The following ARHGAP28 variants were observed in gnomAD, a reference collection of about 807,000 sequenced individuals.
ARHGAP28 encodes Rho GTPase activating protein 28.
ARHGAP28 carries 56 observed loss-of-function variants against 90.7 expected under a neutral mutation model. That is an observed-to-expected ratio of 0.62 (90% CI 0.50 to 0.77). ARHGAP28 has a LOEUF of 0.77. Ranked by LOEUF, ARHGAP28 falls within the 30% of genes least tolerant of loss-of-function variation. The pLI is 0.00. For synonymous variants in ARHGAP28, 308 were observed against 323.3 expected, an observed-to-expected ratio of 0.95 and a Z score of 0.51; for missense variants, 869 against 900.9, an observed-to-expected ratio of 0.96 and a Z score of 0.45.
chr18:6,876,200 A>G lies in ARHGAP28; in HGVS notation c.1282A>G (p.Lys428Glu). The change falls in exon 10 of 18, where the codon AAA (lysine) becomes GAA (glutamate). Residue 428 changes from lysine (K) to glutamate (E), a missense_variant. Physicochemically the swap from Lys to Glu is moderately conservative, Grantham distance 56. Coordinates refer to ENST00000383472, the MANE Select transcript of ARHGAP28 (RefSeq NM_001366230.1). ...GIFRLSGCTAKVKQYREELDA... is the reference protein window; with the variant it reads ...GIFRLSGCTAEVKQYREELDA... ...TTTTCGACTTTCAGGATGTACTGCT[A>G]AAGTCAAGGTACCGAACATTTTGTC... 1 of 1,613,760 alleles carries G rather than the reference A, an allele frequency of 6.2e-7. No homozygotes were observed. Among genetic ancestry groups the G allele is most frequent in the Non-Finnish European group, 8.5e-7 (1 of 1,179,690 alleles).
intron 16 of ARHGAP28, among the ~76,000 whole-genome samples, chr18:6,908,732 G>A (rs1313199446): frequency 6.6e-6 from 1 of 152,166 alleles, no homozygotes; most frequent in African/African-American, 2.4e-5. Context: ...GGAGCACTGC[G>A]GCTGCCCATC....
chr18:6,730,501 CATT>C (rs138126017), intron 1 of ARHGAP28, among the ~76,000 whole-genome samples: 1,957 of 152,188 alleles, frequency 0.013, 45 homozygotes, highest in African/African-American at 0.038. Flanking sequence ...GCATTGGTGT[CATT>C]ATTTGATTAC....
intron 5 of ARHGAP28, among the ~76,000 whole-genome samples, chr18:6,864,505 G>A (rs1420574322): frequency 6.6e-6 from 1 of 152,006 alleles, no homozygotes; most frequent in Non-Finnish European, 1.5e-5. Context: ...AATTTATTGT[G>A]TGTGTACACA....
intron 1 of ARHGAP28, among the ~76,000 whole-genome samples, chr18:6,819,664 G>A (rs564052932): frequency 6.6e-6 from 1 of 152,136 alleles, no homozygotes; most frequent in African/African-American, 2.4e-5. Context: ...TGGGATTTTT[G>A]CTGGGAGCCC....
intron 1 of ARHGAP28, among the ~76,000 whole-genome samples, chr18:6,754,489 A>T (rs1479165724): frequency 2.6e-5 from 4 of 152,182 alleles, no homozygotes; most frequent in African/African-American, 9.7e-5. Flanking sequence ...AGTAGGATAG[A>T]GTTGGCAGTT....
chr18:6,912,192 C>CA lies in ARHGAP28; in HGVS notation c.*43dup. 8.3e-7 allele frequency: 1 copy of CA among 1,205,846 alleles called. No individual in the cohort carries two copies. The highest frequency in any genetic ancestry group is 2.1e-5 in the Admixed American group (1 of 47,608). The allele number at this position is 1,205,846 out of a possible 1,614,324, so 74.7% of individuals were successfully genotyped here. A position where few individuals can be genotyped will look rare whatever the true frequency, so the allele number is the denominator to read the frequency against. ...AGAGCTGCTATCATGTATTATATGC[C>CA]AAAAAGATCCTACATTTTGGTAGGG... On this transcript the variant is annotated 3_prime_UTR_variant, in exon 18 of 18. Transcript: ENST00000383472.
At chr18:6,759,497 A>C (rs893220995) in intron 1 of ARHGAP28, among the ~76,000 whole-genome samples, 3 of 152,196 alleles carry the variant, frequency 2.0e-5, no homozygotes, top group African/African-American at 7.2e-5. Flanking sequence ...GTTATGCTGC[A>C]TAAAATATGG....
intron 1 of ARHGAP28, among the ~76,000 whole-genome samples, chr18:6,815,105 C>T (rs976302426): frequency 6.6e-6 from 1 of 152,138 alleles, no homozygotes; most frequent in South Asian, 2.1e-4. Flanking sequence ...ATTGACTGAG[C>T]GTTACCAAAA....
At chr18:6,836,691 G>C (rs1183636221) in intron 2 of ARHGAP28, among the ~76,000 whole-genome samples, 1 of 152,116 alleles carries the variant, frequency 6.6e-6, no homozygotes, top group Non-Finnish European at 1.5e-5. Flanking sequence ...ATATTCAAAA[G>C]GGATGCCAAG....
At position 6,911,430 on chromosome 18, in the gene ARHGAP28, T is replaced by TTTTTC. The variant is rs201061169; in HGVS notation, c.2096-611_2096-607dup. Among the ~76,000 whole-genome samples the TTTTTC allele has an allele frequency of 1.4e-4, 11 of 76,434 alleles. 1 individual carries two copies. In the South Asian group the frequency reaches 2.7e-3, roughly 19 times the overall value. The allele number at this position is 76,434 out of a possible 152,430, so 50.1% of individuals were successfully genotyped here. Reference sequence around the variant, plus strand: ...ATACCTGAAACAAGTTCTTGCCATATTTTTCTTTTCTTTTCTTTTCTTTGA... The same window carrying TTTTTC: ...ATACCTGAAACAAGTTCTTGCCATATTTTTCTTTTCTTTTCTTTTCTTTTCTTTGA... On this transcript the variant is annotated intron_variant, in intron 17 of 17. Coordinates refer to ENST00000383472, the MANE Select transcript of ARHGAP28 (RefSeq NM_001366230.1).
Position 6,885,492 on chromosome 18 carries a change from C to T in ARHGAP28, c.1454-1665C>T, listed in dbSNP as rs1444965669. Among the ~76,000 whole-genome samples the T allele has an allele frequency of 2.6e-5, 4 of 152,214 alleles. No individual in the cohort carries two copies. In the East Asian group the frequency reaches 7.7e-4, roughly 29 times the overall value. On this transcript the variant is annotated intron_variant, in intron 11 of 17. Transcript: ENST00000383472. The stretch of plus-strand genomic sequence containing the variant: ...TTTTCAAACTTGGCCCCAAACTTGA[C>T]CGTAAAATTAAAGGACTAGTATCAT...
chr18:6,829,574 A>AT (rs2056699714), intron 2 of ARHGAP28, among the ~76,000 whole-genome samples: 1 of 152,190 alleles, frequency 6.6e-6, no homozygotes, highest in Non-Finnish European at 1.5e-5. Flanking sequence ...TGACAAACGC[A>AT]TGCACTCTTA....
chr18:6,804,774 C>G (rs2056506313), intron 1 of ARHGAP28, among the ~76,000 whole-genome samples: 1 of 152,258 alleles, frequency 6.6e-6, no homozygotes, highest in East Asian at 1.9e-4. Context: ...GAACATATTT[C>G]AATGATTTGG....
At chr18:6,830,224 A>G (rs1029370194) in intron 2 of ARHGAP28, among the ~76,000 whole-genome samples, 2 of 152,284 alleles carry the variant, frequency 1.3e-5, no homozygotes, top group South Asian at 2.1e-4. Context: ...AAAATATGCC[A>G]TAGATTATTG....
At chr18:6,816,299 A>T (rs1339407866) in intron 1 of ARHGAP28, among the ~76,000 whole-genome samples, 2 of 152,178 alleles carry the variant, frequency 1.3e-5, no homozygotes, top group Admixed American at 1.3e-4. Context: ...GTTTATAAAC[A>T]TGTTAGAATC....
intron 14 of ARHGAP28, among the ~76,000 whole-genome samples, chr18:6,892,027 T>C (rs2057270034): frequency 6.6e-6 from 1 of 152,170 alleles, no homozygotes; most frequent in Non-Finnish European, 1.5e-5. Flanking sequence ...TGAAAGACTG[T>C]ATTCTCTGAC....
At position 6,817,695 on chromosome 18, in the gene ARHGAP28, AG is replaced by A. The variant is rs371021326; in HGVS notation, c.123-7065del. On this transcript the variant is annotated intron_variant, in intron 1 of 17. Coordinates refer to ENST00000383472, the MANE Select transcript of ARHGAP28 (RefSeq NM_001366230.1). ...CTTGGCTTTTCTCTCATAATGGGCAAGGTGGCTGCTGCAGCACCAGTCATCT... is the reference window on the plus strand; with the variant it reads ...CTTGGCTTTTCTCTCATAATGGGCAAGTGGCTGCTGCAGCACCAGTCATCT... Among the ~76,000 whole-genome samples the A allele has an allele frequency of 9.3e-4, 142 of 152,342 alleles. 1 individual carries two copies. The highest frequency in any genetic ancestry group is 3.1e-3 in the African/African-American group (130 of 41,586).
chr18:6,904,309 G>A (rs1429482339), intron 16 of ARHGAP28, among the ~76,000 whole-genome samples: 2 of 152,066 alleles, frequency 1.3e-5, no homozygotes, highest in Admixed American at 1.3e-4. Context: ...CAGGAGAATC[G>A]CTTGAACCTG....
chr18:6,817,608 G>A (rs909898120), intron 1 of ARHGAP28, among the ~76,000 whole-genome samples: 6 of 152,196 alleles, frequency 3.9e-5, no homozygotes, highest in Non-Finnish European at 5.9e-5. Flanking sequence ...GAAGTCCAGA[G>A]ATAGGCAGCA....
Sources: allele counts gnomAD v4.1 joint callset (sites outside exome capture counted in the v4.1 genomes callset), GRCh38; gene constraint gnomAD v4.1.1; transcripts MANE v1.5; gene names NCBI Gene and HGNC (gene_info 2026-07-23, HGNC 2026-07-21).